SCEL: variants seen among roughly 807,000 people sequenced by gnomAD.
SCEL encodes sciellin.
SCEL carries 113 observed loss-of-function variants against 117.6 expected under a neutral mutation model. The ratio of observed to expected loss-of-function variants is 0.96; its 90% CI spans 0.83 to 1.12. The LOEUF (loss-of-function observed/expected upper bound fraction) is 1.12. Ranked by LOEUF, SCEL falls within the 50% of genes most tolerant of loss-of-function variation. The pLI is 0.00. For missense variants in SCEL, 785 were observed against 810.8 expected (o/e 0.97, Z 0.39); for synonymous variants, 270 against 256.2 (o/e 1.05, Z -0.51).
At chr13:77,561,168 C>A (rs1208522058) in intron 4 of SCEL, among the ~76,000 whole-genome samples, 1 of 152,164 alleles carries the variant, frequency 6.6e-6, no homozygotes, top group Non-Finnish European at 1.5e-5. Context: ...AGAGGCTCAC[C>A]ATTTGAGTCC....
intron 24 of SCEL, among the ~76,000 whole-genome samples, chr13:77,616,821 T>C (rs1383793696): frequency 1.3e-5 from 2 of 151,530 alleles, no homozygotes; most frequent in Non-Finnish European, 1.5e-5. Context: ...GAGAGGTACA[T>C]CTAGATTGTT....
At chr13:77,584,295 G>A (rs1037201994) in intron 9 of SCEL, among the ~76,000 whole-genome samples, 1 of 152,126 alleles carries the variant, frequency 6.6e-6, no homozygotes, top group Non-Finnish European at 1.5e-5. Context: ...CCCACCCCAG[G>A]GCTTGAGTTC....
chr13:77,542,983 A>G (rs900786036), intron 1 of SCEL, among the ~76,000 whole-genome samples: 1 of 151,750 alleles, frequency 6.6e-6, no homozygotes, highest in Admixed American at 6.6e-5. Context: ...AACCCTCAGG[A>G]CTTTTTCAGA....
intron 31 of SCEL, among the ~76,000 whole-genome samples, chr13:77,641,305 T>C (rs775771117): frequency 6.6e-6 from 1 of 152,218 alleles, no homozygotes; most frequent in Admixed American, 6.5e-5. Context: ...CTTCATAGTT[T>C]GTGCTTTCAT....
At chr13:77,638,591 C>T (rs2090414147) in intron 30 of SCEL, among the ~76,000 whole-genome samples, 1 of 152,170 alleles carries the variant, frequency 6.6e-6, no homozygotes, top group African/African-American at 2.4e-5. Flanking sequence ...GTCATCAGCG[C>T]AGAAGTCAGT....
At chr13:77,582,497 G>A (rs1305288823) in intron 9 of SCEL, among the ~76,000 whole-genome samples, 1 of 152,114 alleles carries the variant, frequency 6.6e-6, no homozygotes, top group Non-Finnish European at 1.5e-5. Flanking sequence ...GAAAGTGCTG[G>A]GATTACAGGT....
chr13:77,591,928 G>T (rs868667628), intron 11 of SCEL, among the ~76,000 whole-genome samples: 37 of 152,080 alleles, frequency 2.4e-4, no homozygotes, highest in African/African-American at 8.2e-4. Flanking sequence ...TTCCCCAAAT[G>T]TCTGGTCTCC....
chr13:77,608,974 G>A, intron 20 of SCEL, 84 bp from the exon 21 acceptor site: 1 of 1,087,252 alleles, frequency 9.2e-7, no homozygotes, highest in Non-Finnish European at 1.3e-6. Flanking sequence ...AATTTATCTT[G>A]AGTACATGTA....
intron 19 of SCEL, among the ~76,000 whole-genome samples, chr13:77,604,916 T>C (rs185319000): frequency 5.9e-5 from 9 of 152,092 alleles, no homozygotes; most frequent in Non-Finnish European, 1.2e-4. Flanking sequence ...CATGTGTGGA[T>C]GTGTATATGT....
chr13:77,608,250 T>A, intron 20 of SCEL, 135 bp downstream of exon 20: 1 of 603,952 alleles, frequency 1.7e-6, no homozygotes, highest in Non-Finnish European at 2.9e-6. Context: ...TTGGTGTCTT[T>A]GAACAAGTCC....
intron 12 of SCEL, among the ~76,000 whole-genome samples, chr13:77,596,264 C>T (rs962407312): frequency 2.0e-5 from 3 of 151,434 alleles, no homozygotes; most frequent in African/African-American, 7.3e-5. Context: ...ACCTGGGAGG[C>T]GGAGGTTGCA....
In SCEL at chr13:77,556,411, C is replaced by A. The variant is rs530801560; in HGVS notation, c.44-185C>A. Among the ~76,000 whole-genome samples, 4 of 152,248 alleles carry A rather than the reference C, an allele frequency of 2.6e-5. No individual in the cohort carries two copies. The South Asian group carries it at 8.3e-4, about 32-fold the overall frequency. On this transcript the variant is annotated intron_variant, in intron 2 of 32. Coordinates refer to ENST00000349847, the MANE Select transcript of SCEL (RefSeq NM_144777.3). ...GCACCTGAGCAACTTTATGTGTTAT[C>A]TTTGGTGATGGGGTGTGGGATCTGT...
chr13:77,619,901 A>G (rs1469601382), intron 27 of SCEL, among the ~76,000 whole-genome samples: 1 of 152,096 alleles, frequency 6.6e-6, no homozygotes, highest in African/African-American at 2.4e-5. Flanking sequence ...TCCCTCTGAC[A>G]ATTGTGCTTT....
In SCEL at chr13:77,573,330, A is replaced by G. The variant is rs187600636; in HGVS notation, c.545+1141A>G. Reference sequence around the variant, plus strand: ...TATTTAGTTTACTTTTCAGGTATCCAAAGATGTTTTTATGTCTCAACATCT... The same window carrying G: ...TATTTAGTTTACTTTTCAGGTATCCGAAGATGTTTTTATGTCTCAACATCT... On this transcript the variant is annotated intron_variant, in intron 9 of 32. Transcript: ENST00000349847. Among the ~76,000 whole-genome samples, 377 of 152,362 alleles carry G rather than the reference A, an allele frequency of 2.5e-3. 2 individuals are homozygous for G. Among genetic ancestry groups the G allele is most frequent in the African/African-American group, 8.3e-3 (346 of 41,588 alleles).
At chr13:77,605,180 C>A (rs993393637) in intron 19 of SCEL, among the ~76,000 whole-genome samples, 14 of 152,118 alleles carry the variant, frequency 9.2e-5, no homozygotes, top group Non-Finnish European at 1.8e-4. Flanking sequence ...CCCTTGAATT[C>A]CTTTCCATTC....
At chr13:77,630,324 G>A (rs1701706488) in intron 28 of SCEL, among the ~76,000 whole-genome samples, 1 of 152,148 alleles carries the variant, frequency 6.6e-6, no homozygotes, top group Non-Finnish European at 1.5e-5. Context: ...GACTATGAGT[G>A]AAATTAATTT....
In SCEL at chr13:77,616,601, C is replaced by G. The variant is rs143318646; in HGVS notation, c.1452-998C>G. Among the ~76,000 whole-genome samples, 51 of 151,856 alleles carry G rather than the reference C, an allele frequency of 3.4e-4. 1 individual carries two copies. Among genetic ancestry groups the G allele is most frequent in the Admixed American group, 6.6e-4 (10 of 15,222 alleles). Reference sequence around the variant, plus strand: ...CCATAGACTATGGAGAGGTGAGAACCATGAAGAATAAATCAAACTAAATGA... The same window carrying G: ...CCATAGACTATGGAGAGGTGAGAACGATGAAGAATAAATCAAACTAAATGA... On this transcript the variant is annotated intron_variant, in intron 24 of 32. Transcript: ENST00000349847.
intron 3 of SCEL, among the ~76,000 whole-genome samples, chr13:77,558,970 G>A (rs941462338): frequency 2.6e-5 from 4 of 152,086 alleles, no homozygotes; most frequent in Non-Finnish European, 5.9e-5. Context: ...ACTTCACTAC[G>A]TGTTTTGACA....
At chr13:77,577,636 C>T (rs2086025170) in intron 9 of SCEL, among the ~76,000 whole-genome samples, 1 of 151,848 alleles carries the variant, frequency 6.6e-6, no homozygotes, top group Non-Finnish European at 1.5e-5. Context: ...TATGTTACTT[C>T]TGTCCTGTTC....
Sources: allele counts gnomAD v4.1 joint callset (sites outside exome capture counted in the v4.1 genomes callset), GRCh38; gene constraint gnomAD v4.1.1; transcripts MANE v1.5; gene names NCBI Gene and HGNC (gene_info 2026-07-23, HGNC 2026-07-21).